Variants in MBNL2 observed in about 807,000 individuals in gnomAD.
The protein encoded by MBNL2 is muscleblind like splicing regulator 2.
MBNL2 carries 17 observed loss-of-function variants against 41.9 expected under a neutral mutation model. That is an observed-to-expected ratio of 0.41 (90% CI 0.28 to 0.61). The LOEUF (loss-of-function observed/expected upper bound fraction) is 0.61, where lower values mean the gene tolerates loss of function less well. MBNL2 is among the 20% of genes least tolerant of loss of function. The pLI, the probability that MBNL2 is intolerant of heterozygous loss-of-function variation, is 0.35. For synonymous variants in MBNL2, 195 were observed against 182.9 expected (o/e 1.07, Z -0.53); for missense variants, 336 against 505.6 (o/e 0.66, Z 3.22).
chr13:97,334,155 CA>C lies in MBNL2; in HGVS notation c.175-120del. The C allele has an allele frequency of 1.4e-6, 1 of 703,170 alleles. No individual in the cohort carries two copies. The highest frequency in any genetic ancestry group is 3.0e-5 in the Admixed American group (1 of 33,568). The allele number at this position is 703,170 out of a possible 1,614,324, so 43.6% of individuals were successfully genotyped here. A position where few individuals can be genotyped will look rare whatever the true frequency, so the allele number is the denominator to read the frequency against. On this transcript the variant is annotated intron_variant, in intron 2 of 8. Coordinates refer to ENST00000679496, the MANE Select transcript of MBNL2 (RefSeq NM_001382683.1). This position sits in a 1 kb window ranked among gnomAD's most constrained non-coding sequence, Gnocchi z 5.3. ...GAGCATGCGCGCGCACACCCACACA[CA>C]CACACACACACACACACACAGGATC...
chr13:97,389,772 CT>C (rs1219395869), intron 8 of MBNL2, among the ~76,000 whole-genome samples: 2 of 150,648 alleles, frequency 1.3e-5, no homozygotes, highest in Non-Finnish European at 3.0e-5. Context: ...ATTTTAGAAA[CT>C]TTTTTTTTAA....
At chr13:97,265,201 G>A (rs2049490843) in intron 1 of MBNL2, among the ~76,000 whole-genome samples, 1 of 152,074 alleles carries the variant, frequency 6.6e-6, no homozygotes. Context: ...GGAAATTTTT[G>A]CATGTTAAAA....
chr13:97,216,088 C>A, the MBNL2 span, among the ~76,000 whole-genome samples: 1 of 152,150 alleles, frequency 6.6e-6, no homozygotes, highest in Admixed American at 6.5e-5. Flanking sequence ...TGCCTCTAGA[C>A]CTACTGGAGA....
At chr13:97,284,530 C>T (rs997013833) in intron 2 of MBNL2, among the ~76,000 whole-genome samples, 3 of 152,198 alleles carry the variant, frequency 2.0e-5, no homozygotes, top group Non-Finnish European at 2.9e-5. Context: ...ATGACCTCAT[C>T]TTAAATTACA....
chr13:97,315,864 G>A (rs2059002072), intron 2 of MBNL2, among the ~76,000 whole-genome samples: 1 of 151,744 alleles, frequency 6.6e-6, no homozygotes, highest in Non-Finnish European at 1.5e-5. Flanking sequence ...GGATGTGGAA[G>A]GCCTTGCTCG....
the MBNL2 span, among the ~76,000 whole-genome samples, chr13:97,168,385 G>A: frequency 6.6e-6 from 1 of 152,080 alleles, no homozygotes; most frequent in Non-Finnish European, 1.5e-5. Flanking sequence ...CTCCAAAACT[G>A]TCAATAAATG....
chr13:97,287,194 G>A (rs1398965801), intron 2 of MBNL2, among the ~76,000 whole-genome samples: 1 of 152,122 alleles, frequency 6.6e-6, no homozygotes, highest in East Asian at 1.9e-4. Context: ...CTAAAAGCAG[G>A]TCACATGGAG....
At chr13:97,196,250 C>T in the MBNL2 span, among the ~76,000 whole-genome samples, 2,102 of 152,176 alleles carry the variant, frequency 0.014, 49 homozygotes, top group African/African-American at 0.047. Flanking sequence ...TATAATTCAC[C>T]AACAATTTCT....
chr13:97,334,520 T>C lies in MBNL2; in HGVS notation c.339+80T>C. 2 of 1,000,936 alleles carry C rather than the reference T, an allele frequency of 2.0e-6. No homozygotes were observed. The highest frequency in any genetic ancestry group is 2.8e-6 in the Non-Finnish European group (2 of 704,516). 62.0% of individuals were successfully genotyped at this position (1,000,936 alleles called of 1,614,324 possible). A position where few individuals can be genotyped will look rare whatever the true frequency, so the allele number is the denominator to read the frequency against. ...GATGCCACGTTGACCTAGGGTGGCC[T>C]CTCTCCACTTTGTCACTTTGGTTAC... On this transcript the variant is annotated intron_variant, in intron 3 of 8. Transcript: ENST00000679496. The surrounding 1 kb of genome is among the most constrained non-coding windows in gnomAD (Gnocchi z 5.3).
chr13:97,234,759 C>T (rs2042970269), intron 1 of MBNL2, among the ~76,000 whole-genome samples: 1 of 152,352 alleles, frequency 6.6e-6, no homozygotes, highest in Middle Eastern at 3.4e-3. Flanking sequence ...ATAACACACT[C>T]GGGCAGTGTT....
intron 3 of MBNL2, 99 bp from the exon 4 acceptor site, chr13:97,342,917 G>A: frequency 2.8e-6 from 2 of 706,976 alleles, no homozygotes; most frequent in Non-Finnish European, 2.5e-6. Flanking sequence ...TTAACACAGA[G>A]TATATGATGA....
intron 2 of MBNL2, among the ~76,000 whole-genome samples, chr13:97,310,503 C>T (rs1394774381): frequency 6.6e-6 from 1 of 151,540 alleles, no homozygotes; most frequent in Admixed American, 6.6e-5. Flanking sequence ...GATCTCGGCT[C>T]ACTGCAAGCT....
chr13:97,352,994 G>A (rs2062642976), intron 5 of MBNL2, among the ~76,000 whole-genome samples: 1 of 152,154 alleles, frequency 6.6e-6, no homozygotes, highest in Admixed American at 6.5e-5. Context: ...ACACAAACAG[G>A]TCATTTCCCT....
chr13:97,343,828 C>A (rs1340503435), intron 4 of MBNL2, among the ~76,000 whole-genome samples: 2 of 152,154 alleles, frequency 1.3e-5, no homozygotes, highest in Non-Finnish European at 2.9e-5. Context: ...GGTTTTGAGA[C>A]GTAGTTTCGC....
the MBNL2 span, among the ~76,000 whole-genome samples, chr13:97,199,593 G>T: frequency 1.1e-4 from 17 of 152,358 alleles, no homozygotes; most frequent in Non-Finnish European, 1.9e-4. Flanking sequence ...AATGCTGTGG[G>T]TATGGAGAGA....
chr13:97,177,899 A>AT, the MBNL2 span, among the ~76,000 whole-genome samples: 1 of 152,218 alleles, frequency 6.6e-6, no homozygotes, highest in Admixed American at 6.5e-5. Context: ...GTAGAAAATG[A>AT]TTTTCCACCT....
the MBNL2 span, among the ~76,000 whole-genome samples, chr13:97,159,326 C>G: frequency 1.3e-5 from 2 of 151,888 alleles, no homozygotes; most frequent in Non-Finnish European, 2.9e-5. Flanking sequence ...ATACAGCACA[C>G]TGATGGGTCT....
the MBNL2 span, among the ~76,000 whole-genome samples, chr13:97,196,484 C>T: frequency 3.3e-5 from 5 of 152,110 alleles, no homozygotes; most frequent in South Asian, 4.2e-4. Context: ...AACCTACAGG[C>T]GGTATTAAGG....
chr13:97,282,326 G>A (rs1224896435), intron 2 of MBNL2, among the ~76,000 whole-genome samples: 4 of 152,078 alleles, frequency 2.6e-5, no homozygotes, highest in Non-Finnish European at 5.9e-5. Flanking sequence ...CTGTACTCCA[G>A]CCTGGGGGAC....
Sources: gnomAD v4.1 joint callset for allele counts (sites outside exome capture counted in the v4.1 genomes callset) on GRCh38, gnomAD v4.1.1 for gene constraint, Gnocchi (gnomAD v3.1) non-coding constraint, MANE v1.5 for transcripts, NCBI Gene and HGNC (gene_info 2026-07-23, HGNC 2026-07-21) for gene names.